ZNF705G: variants seen among roughly 807,000 people sequenced by gnomAD.
The protein encoded by ZNF705G is zinc finger protein 705G.
In ZNF705G, 23 loss-of-function variants were observed where a neutral mutation model predicts 19.6. The observed-to-expected ratio is 1.17, with a 90% CI of 0.84 to 1.66. The LOEUF is 1.66. Ranked by LOEUF, ZNF705G falls within the 40% of genes most tolerant of loss-of-function variation. The probability of loss-of-function intolerance (pLI) is 0.00; values close to 1 mark genes in which losing one functional copy is unlikely to be tolerated. For synonymous variants in ZNF705G, 146 were observed against 117.7 expected (o/e 1.24, Z -1.56); for missense variants, 457 against 354.4 (o/e 1.29, Z -2.32).
At chr8:7,366,989 T>A (rs1309698362) in intron 2 of ZNF705G, among the ~76,000 whole-genome samples, 1 of 149,658 alleles carries the variant, frequency 6.7e-6, no homozygotes, top group African/African-American at 2.6e-5. Flanking sequence ...ATTTACAGTT[T>A]ATAGTCACAT....
At chr8:7,362,817 A>G in intron 3 of ZNF705G, 118 bp downstream of exon 3, 2 of 1,585,630 alleles carry the variant, frequency 1.3e-6, no homozygotes, top group Non-Finnish European at 1.7e-6. Context: ...ATTTTACATC[A>G]TAAAAACAAA....
At chr8:7,359,146 CT>C (rs1806443956) in intron 6 of ZNF705G, among the ~76,000 whole-genome samples, 1 of 149,590 alleles carries the variant, frequency 6.7e-6, no homozygotes, top group Admixed American at 6.6e-5. Context: ...ATATCCCACC[CT>C]TTCCCCTTTA....
chr8:7,383,600 A>C (rs1293966269), intron 1 of ZNF705G, among the ~76,000 whole-genome samples: 1 of 147,120 alleles, frequency 6.8e-6, no homozygotes, highest in Non-Finnish European at 1.5e-5. Flanking sequence ...GTGTCTCCCC[A>C]TTCATCTGTT....
At position 7,367,470 on chromosome 8, in the gene ZNF705G, G is replaced by A. The variant is rs372323279; in HGVS notation, c.-71-4453C>T. Among the ~76,000 whole-genome samples, 114 of 149,400 alleles carry A rather than the reference G, an allele frequency of 7.6e-4. No homozygotes were observed. The South Asian group carries it at 0.021, about 28-fold the overall frequency. ...GCAAAGCATAATCTTCCGGGGGCACGCTCCACCGGAAAAGGAAAGAAAGCT... is the reference window on the plus strand; with the variant it reads ...GCAAAGCATAATCTTCCGGGGGCACACTCCACCGGAAAAGGAAAGAAAGCT... On this transcript the variant is annotated intron_variant, in intron 2 of 6. Transcript: ENST00000400156.
In ZNF705G at chr8:7,367,000, G is replaced by A. The variant is rs1305423907; in HGVS notation, c.-71-3983C>T. Among the ~76,000 whole-genome samples, 8 of 149,660 alleles carry A rather than the reference G, an allele frequency of 5.3e-5. 1 individual carries two copies. Among genetic ancestry groups the A allele is most frequent in the Admixed American group, 2.6e-4 (4 of 15,232 alleles). On this transcript the variant is annotated intron_variant, in intron 2 of 6. Coordinates refer to ENST00000400156, the MANE Select transcript of ZNF705G (RefSeq NM_001164457.3). ...ATTTATTTACAGTTTATAGTCACAT[G>A]TGACTAGTAGTTACTATTTTGGCCA...
chr8:7,369,891 G>A (rs552224254), intron 2 of ZNF705G, among the ~76,000 whole-genome samples: 2 of 149,086 alleles, frequency 1.3e-5, no homozygotes. Context: ...TACTAGAGGG[G>A]GAAGGGAAGG....
chr8:7,368,420 A>T (rs1473568204), intron 2 of ZNF705G, among the ~76,000 whole-genome samples: 1 of 149,580 alleles, frequency 6.7e-6, no homozygotes, highest in Non-Finnish European at 1.5e-5. Context: ...TATATTCTAA[A>T]ATTCTTTGGA....
rs1806208809 is a variant in ZNF705G at position 7,356,003 on chromosome 8, T to C, written c.*1973A>G. 1 of 149,480 alleles carries C rather than the reference T, an allele frequency of 6.7e-6. No individual in the cohort carries two copies. Among genetic ancestry groups the C allele is most frequent in the Non-Finnish European group, 1.5e-5 (1 of 68,034 alleles). The allele number at this position is 149,480 out of a possible 1,614,324, so 9.3% of individuals were successfully genotyped here. ...GGCCATTTAGCCTTAGTAAGGCCGA[T>C]CGTATTAAGATTGTGCCTGTTTGGC... On this transcript the variant is annotated 3_prime_UTR_variant, in exon 7 of 7. Coordinates refer to ENST00000400156, the MANE Select transcript of ZNF705G (RefSeq NM_001164457.3).
chr8:7,365,018 C>T lies in ZNF705G; in HGVS notation c.-71-2001G>A, dbSNP rs188036587. The stretch of plus-strand genomic sequence containing the variant: ...AGAGAATATTTGTGTGTAATTATAA[C>T]CCAAACATGAATGAAAAGTCATTTA... On this transcript the variant is annotated intron_variant, in intron 2 of 6. Transcript: ENST00000400156. Among the ~76,000 whole-genome samples, 949 of 149,598 alleles carry T rather than the reference C, an allele frequency of 6.3e-3. 111 individuals carry two copies. Among genetic ancestry groups the T allele is most frequent in the African/African-American group, 0.021 (801 of 39,058 alleles).
chr8:7,369,195 G>A (rs1351962446), intron 2 of ZNF705G, among the ~76,000 whole-genome samples: 3 of 149,432 alleles, frequency 2.0e-5, no homozygotes, highest in African/African-American at 7.7e-5. Flanking sequence ...CACAACATGT[G>A]GGAATTATGG....
intron 2 of ZNF705G, among the ~76,000 whole-genome samples, chr8:7,368,548 T>C (rs1433877250): frequency 4.0e-5 from 6 of 149,626 alleles, no homozygotes; most frequent in Admixed American, 2.0e-4. Context: ...ATTATAGGGG[T>C]CATGTAGTAC....
At chr8:7,367,509 C>T (rs1332783721) in intron 2 of ZNF705G, among the ~76,000 whole-genome samples, 1 of 149,504 alleles carries the variant, frequency 6.7e-6, no homozygotes, top group Non-Finnish European at 1.5e-5. Context: ...GATGGACATG[C>T]ATATAACTCC....
At position 7,359,855 on chromosome 8, in the gene ZNF705G, T is replaced by G. The variant is rs558330307; in HGVS notation, c.236-154A>C. 2.6e-4 allele frequency among the ~76,000 whole-genome samples: 39 copies of G among 149,796 alleles called. No homozygotes were observed. In the East Asian group the frequency reaches 7.5e-3, roughly 29 times the overall value. ...CTACTTGAATAGAAGAAATAGATTG[T>G]ACAGTGTCAGCAATTAGAAAATATT... On this transcript the variant is annotated intron_variant, in intron 5 of 6. Transcript: ENST00000400156.
chr8:7,361,300 G>A, intron 3 of ZNF705G, 64 bp from the exon 4 acceptor site: 1 of 1,591,746 alleles, frequency 6.3e-7, no homozygotes, highest in Non-Finnish European at 8.5e-7. Flanking sequence ...GAAGAGGAAG[G>A]CTGAGATGAC....
At position 7,356,149 on chromosome 8, in the gene ZNF705G, C is replaced by A. The variant is rs1322951744; in HGVS notation, c.*1827G>T. The A allele has an allele frequency of 6.0e-5, 9 of 149,454 alleles. 1 individual carries two copies. Among genetic ancestry groups the A allele is most frequent in the African/African-American group, 1.5e-4 (6 of 38,864 alleles). The allele number at this position is 149,454 out of a possible 1,614,324, so 9.3% of individuals were successfully genotyped here. ...ATTCTGAGGACAAGGCAGAGGAGGG[C>A]CCCTCTGTGAGAACTTTCATTTTGC... On this transcript the variant is annotated 3_prime_UTR_variant, in exon 7 of 7. Transcript: ENST00000400156.
Position 7,356,909 on chromosome 8 carries a change from C to T in ZNF705G, c.*1067G>A, listed in dbSNP as rs1164303178. On this transcript the variant is annotated 3_prime_UTR_variant, in exon 7 of 7. Coordinates refer to ENST00000400156, the MANE Select transcript of ZNF705G (RefSeq NM_001164457.3). Reference sequence around the variant, plus strand: ...CGCAATTTATTCCCTGGTCACTTTGCTATTATGCATTTACATGCCACATTT... The same window carrying T: ...CGCAATTTATTCCCTGGTCACTTTGTTATTATGCATTTACATGCCACATTT... The T allele has an allele frequency of 6.7e-6, 1 of 149,874 alleles. No homozygotes were observed. Among genetic ancestry groups the T allele is most frequent in the Non-Finnish European group, 1.5e-5 (1 of 68,012 alleles). 9.3% of individuals were successfully genotyped at this position (149,874 alleles called of 1,614,324 possible). A position where few individuals can be genotyped will look rare whatever the true frequency, so the allele number is the denominator to read the frequency against.
intron 2 of ZNF705G, among the ~76,000 whole-genome samples, chr8:7,365,375 A>ATTTTTT (rs71253679): frequency 4.5e-5 from 5 of 112,052 alleles, no homozygotes; most frequent in Non-Finnish European, 5.2e-5. Flanking sequence ...GTCTCTCTCT[A>ATTTTTT]TTTTTTTTTT....
rs755781512 is a variant in ZNF705G at position 7,358,342 on chromosome 8, C to A, written c.537G>T (p.Lys179Asn). ...GKSYQCNLCEKAYTNCFHLRR... is the reference protein window; with the variant it reads ...GKSYQCNLCENAYTNCFHLRR... ...TAAGGTGAAAGCAATTAGTATAGGCCTTTTCACATAGATTACACTGATATG... is the reference window on the plus strand; with the variant it reads ...TAAGGTGAAAGCAATTAGTATAGGCATTTTCACATAGATTACACTGATATG... The change falls in exon 7 of 7, where the codon AAG (lysine) becomes AAT (asparagine). Residue 179 changes from lysine to asparagine, a missense_variant. Physicochemically the swap from Lys to Asn is moderately conservative, Grantham distance 94. Coordinates refer to ENST00000400156, the MANE Select transcript of ZNF705G (RefSeq NM_001164457.3). 1.2e-6 allele frequency: 2 copies of A among 1,607,490 alleles called. No homozygotes were observed. Among genetic ancestry groups the A allele is most frequent in the Non-Finnish European group, 1.7e-6 (2 of 1,179,614 alleles).
At position 7,375,110 on chromosome 8, in the gene ZNF705G, T is replaced by C. The variant is rs1478427394; in HGVS notation, c.-72+6342A>G. 3.2e-5 allele frequency among the ~76,000 whole-genome samples: 3 copies of C among 94,310 alleles called. 1 individual carries two copies. Among genetic ancestry groups the C allele is most frequent in the Non-Finnish European group, 6.2e-5 (3 of 48,060 alleles). The allele number at this position is 94,310 out of a possible 152,430, so 61.9% of individuals were successfully genotyped here. A position where few individuals can be genotyped will look rare whatever the true frequency, so the allele number is the denominator to read the frequency against. On this transcript the variant is annotated intron_variant, in intron 2 of 6. Coordinates refer to ENST00000400156, the MANE Select transcript of ZNF705G (RefSeq NM_001164457.3). ...TGGGTATATTGTGTGATATTGAGGT[T>C]TGGGGTATGAATAACTCTGTCACGC...
Sources: gnomAD v4.1 joint callset for allele counts (sites outside exome capture counted in the v4.1 genomes callset) on GRCh38, gnomAD v4.1.1 for gene constraint, MANE v1.5 for transcripts, NCBI Gene and HGNC (gene_info 2026-07-23, HGNC 2026-07-21) for gene names.